Variants in TNRC18 observed in about 807,000 individuals in gnomAD.
TNRC18 encodes trinucleotide repeat containing 18, also known as trinucleotide repeat-containing gene 18 protein.
A neutral mutation model predicts 226.7 loss-of-function variants in TNRC18; 69 were observed. That is an observed-to-expected ratio of 0.30 (90% CI 0.25 to 0.37). The LOEUF (loss-of-function observed/expected upper bound fraction) is 0.37, where lower values mean the gene tolerates loss of function less well. Among genes scored for constraint, TNRC18 ranks in the 10% least tolerant of loss-of-function variants. TNRC18 has a pLI of 1.00. For synonymous variants in TNRC18, 2,449 were observed against 1,927.6 expected, an observed-to-expected ratio of 1.27 and a Z score of -7.09; for missense variants, 4,754 against 4,256.6, an observed-to-expected ratio of 1.12 and a Z score of -3.25.
At chr7:5,330,659 G>T (rs1405637539) in intron 19 of TNRC18, among the ~76,000 whole-genome samples, 1 of 152,028 alleles carries the variant, frequency 6.6e-6, no homozygotes, top group African/African-American at 2.4e-5. Flanking sequence ...GGCCTACTAT[G>T]TGCTACCTGG....
At chr7:5,352,887 T>G (rs1791973623) in intron 16 of TNRC18, among the ~76,000 whole-genome samples, 1 of 152,156 alleles carries the variant, frequency 6.6e-6, no homozygotes, top group Admixed American at 6.5e-5. Flanking sequence ...CAGAGAATAA[T>G]CCCCTGATCT....
rs142530828 is a variant in TNRC18 at position 5,399,741 on chromosome 7, G to A, written c.188-5146C>T. Among the ~76,000 whole-genome samples, 1,400 of 152,012 alleles carry A rather than the reference G, an allele frequency of 9.2e-3. 10 individuals are homozygous for A. The highest frequency in any genetic ancestry group is 0.014 in the Non-Finnish European group (935 of 67,966). Reference sequence around the variant, plus strand: ...ACAAAAAAACCTAAAACACACAGCCGGCACGATGGCTCACACCTATAATAC... The same window carrying A: ...ACAAAAAAACCTAAAACACACAGCCAGCACGATGGCTCACACCTATAATAC... On this transcript the variant is annotated intron_variant, in intron 2 of 29. Transcript: ENST00000430969.
intron 2 of TNRC18, among the ~76,000 whole-genome samples, chr7:5,415,658 G>A (rs1318740721): frequency 1.3e-5 from 2 of 151,348 alleles, no homozygotes; most frequent in Non-Finnish European, 2.9e-5. Context: ...TAGGATCACA[G>A]GCGTGAGCCA....
chr7:5,373,776 G>T (rs1794374649), intron 10 of TNRC18, among the ~76,000 whole-genome samples: 1 of 152,128 alleles, frequency 6.6e-6, no homozygotes. Context: ...CGTGTGACAG[G>T]TCTGGCTCGG....
intron 18 of TNRC18, among the ~76,000 whole-genome samples, chr7:5,343,624 G>A (rs913433356): frequency 6.6e-6 from 1 of 152,074 alleles, no homozygotes; most frequent in African/African-American, 2.4e-5. Flanking sequence ...ATGGGGTCTC[G>A]CTCTGTTGCC....
rs1051592179 is a variant in TNRC18, at chr7:5,394,165, C to T, written c.343+275G>A. Among the ~76,000 whole-genome samples, 3 of 152,016 alleles carry T rather than the reference C, an allele frequency of 2.0e-5. No individual in the cohort carries two copies. The highest frequency in any genetic ancestry group is 4.8e-5 in the African/African-American group (2 of 41,380). ...CACAAGCAAGTGATGGAAGTGGGTG[C>T]GGAAGAGGGGGTCTCTGAGCTGAGC... On this transcript the variant is annotated intron_variant, in intron 3 of 29. Coordinates refer to ENST00000430969, the MANE Select transcript of TNRC18 (RefSeq NM_001080495.3). This position sits in a 1 kb window ranked among gnomAD's most constrained non-coding sequence, Gnocchi z 4.5.
At chr7:5,400,151 CCTCCCAAAGTG>C (rs1295050173) in intron 2 of TNRC18, among the ~76,000 whole-genome samples, 4 of 152,070 alleles carry the variant, frequency 2.6e-5, no homozygotes, top group African/African-American at 9.7e-5. Flanking sequence ...CCCACCTCGG[CCTCCCAAAGTG>C]CTGGGATGAC....
intron 18 of TNRC18, among the ~76,000 whole-genome samples, chr7:5,343,984 G>A (rs986931923): frequency 6.6e-6 from 1 of 152,164 alleles, no homozygotes; most frequent in Non-Finnish European, 1.5e-5. Context: ...AACTAATCAC[G>A]TCTAGCCAGA....
rs1451943204 is a variant in TNRC18, at chr7:5,423,430, C to A, written c.-244+11G>T. The A allele has an allele frequency of 6.6e-6, 1 of 152,140 alleles. No individual in the cohort carries two copies. Among genetic ancestry groups the A allele is most frequent in the Non-Finnish European group, 1.5e-5 (1 of 68,032 alleles). The allele number at this position is 152,140 out of a possible 1,614,324, so 9.4% of individuals were successfully genotyped here. A position where few individuals can be genotyped will look rare whatever the true frequency, so the allele number is the denominator to read the frequency against. ...CCCGGCCGGGGGCCGGCAGGCTGAC[C>A]GGCGGCGTACCTGGCGCGGCTGGGT... On this transcript the variant is annotated intron_variant, in intron 1 of 29. Transcript: ENST00000430969.
At position 5,376,107 on chromosome 7, in the gene TNRC18, C is replaced by A; in HGVS notation, c.2726G>T (p.Arg909Leu). 1 of 1,591,976 alleles carries A rather than the reference C, an allele frequency of 6.3e-7. No homozygotes were observed. Among genetic ancestry groups the A allele is most frequent in the South Asian group, 1.1e-5 (1 of 87,470 alleles). Residue 909 changes from arginine (R) to leucine (L), a missense_variant, in exon 9 of 30, where the codon CGG becomes CTG. Coordinates refer to ENST00000430969, the MANE Select transcript of TNRC18 (RefSeq NM_001080495.3). Reference protein sequence around the residue: ...LQLFSQQHFLRQQEFLYLQQQ... With the variant: ...LQLFSQQHFLLQQEFLYLQQQ... ...CTGCAGGTACAGGAACTCCTGCTGC[C>A]GCAGGAAGTGCTGCTGTGAGAAGAG...
At position 5,389,191 on chromosome 7, in the gene TNRC18, G is replaced by A. The variant is rs1421706613; in HGVS notation, c.633C>T (p.Gly211=). ...AAAGCGGAGGCGGCTCCCCGCCGCG[G>A]CCCGCCCGCTCCTTGGCTGGACCGT... ...SRDGPAKERA[G]RGGEPPPLFG... Residue 211 remains glycine (G), a synonymous_variant, in exon 5 of 30, where the codon GGC becomes GGT. Coordinates refer to ENST00000430969, the MANE Select transcript of TNRC18 (RefSeq NM_001080495.3). 1 of 1,322,264 alleles carries A rather than the reference G, an allele frequency of 7.6e-7. No homozygotes were observed. The allele number at this position is 1,322,264 out of a possible 1,614,324, so 81.9% of individuals were successfully genotyped here.
At chr7:5,395,031 G>A (rs942858810) in intron 2 of TNRC18, among the ~76,000 whole-genome samples, 9 of 152,152 alleles carry the variant, frequency 5.9e-5, no homozygotes, top group Non-Finnish European at 1.5e-5. Flanking sequence ...GGGCTCATAT[G>A]CTGAGCTCTG....
chr7:5,390,466 C>T lies in TNRC18; in HGVS notation c.487+19G>A, dbSNP rs1236833811. ...CAGAAGGCCCCTGTGCCACCCCCAA[C>T]CCCGGACTCCAGTCTTACCTCCTCC... On this transcript the variant is annotated intron_variant, in intron 4 of 29. Coordinates refer to ENST00000430969, the MANE Select transcript of TNRC18 (RefSeq NM_001080495.3). 20 of 1,613,150 alleles carry T rather than the reference C, an allele frequency of 1.2e-5. No homozygotes were observed. Among genetic ancestry groups the T allele is most frequent in the Non-Finnish European group, 1.7e-5 (20 of 1,179,778 alleles).
At chr7:5,405,948 C>T (rs546856387) in intron 2 of TNRC18, among the ~76,000 whole-genome samples, 9 of 152,230 alleles carry the variant, frequency 5.9e-5, no homozygotes, top group African/African-American at 1.9e-4. Flanking sequence ...ATCCAGAACT[C>T]GAACACGTAT....
intron 18 of TNRC18, among the ~76,000 whole-genome samples, chr7:5,340,792 A>G (rs1018978773): frequency 3.9e-5 from 6 of 152,124 alleles, no homozygotes; most frequent in African/African-American, 1.4e-4. Flanking sequence ...ATAACATAAA[A>G]ATGCAAGGAT....
intron 9 of TNRC18, among the ~76,000 whole-genome samples, chr7:5,375,615 T>C (rs1017324133): frequency 2.0e-5 from 3 of 152,100 alleles, no homozygotes; most frequent in Admixed American, 1.3e-4. Flanking sequence ...TATGGGACCA[T>C]GCCGTCAGGA....
intron 15 of TNRC18, among the ~76,000 whole-genome samples, chr7:5,358,286 C>A (rs916200752): frequency 6.6e-6 from 1 of 152,126 alleles, no homozygotes; most frequent in South Asian, 2.1e-4. Flanking sequence ...TTTGTTGAAG[C>A]GAAACACGCA....
intron 21 of TNRC18, among the ~76,000 whole-genome samples, chr7:5,322,658 G>T (rs184623730): frequency 4.6e-5 from 7 of 152,216 alleles, no homozygotes; most frequent in African/African-American, 1.7e-4. Flanking sequence ...CAAACTTGCC[G>T]ACGGCGGTCA....
rs757015865 is a variant in TNRC18 at position 5,357,075 on chromosome 7, C to T, written c.5035G>A (p.Ala1679Thr). The T allele has an allele frequency of 4.5e-6, 7 of 1,552,008 alleles. No individual in the cohort carries two copies. The highest frequency in any genetic ancestry group is 6.1e-6 in the Non-Finnish European group (7 of 1,147,106). Residue 1679 changes from alanine to threonine, a missense_variant, in exon 16 of 30, where the codon GCG (alanine) becomes ACG (threonine). Coordinates refer to ENST00000430969, the MANE Select transcript of TNRC18 (RefSeq NM_001080495.3). ...GACAGGCCGAGGCCCTTGGCCAGCGCCTTCCTGTTCTTCCCCAGCAGGCTG... is the reference window on the plus strand; with the variant it reads ...GACAGGCCGAGGCCCTTGGCCAGCGTCTTCCTGTTCTTCCCCAGCAGGCTG... The part of the protein sequence containing the change: ...YDSLLGKNRK[A>T]LAKGLGLSLK...
Sources: gnomAD v4.1 joint callset for allele counts (sites outside exome capture counted in the v4.1 genomes callset) on GRCh38, gnomAD v4.1.1 for gene constraint, Gnocchi (gnomAD v3.1) non-coding constraint, MANE v1.5 for transcripts, NCBI Gene and HGNC (gene_info 2026-07-23, HGNC 2026-07-21) for gene names.